Variants in BCO1 observed in about 807,000 individuals in gnomAD.
The protein encoded by BCO1 is beta,beta-carotene 15,15'-dioxygenase.
Under a neutral mutation model 56.3 loss-of-function variants are expected in BCO1, and 54 were observed. The observed-to-expected ratio is 0.96, with a 90% CI of 0.77 to 1.20. BCO1 has a LOEUF of 1.20. BCO1 is among the 50% of genes most tolerant of loss of function. The pLI is 0.00. For synonymous variants in BCO1, 318 were observed against 266.1 expected (o/e 1.20, Z -1.90); for missense variants, 801 against 690.9 (o/e 1.16, Z -1.79).
intron 7 of BCO1, among the ~76,000 whole-genome samples, chr16:81,275,751 T>G (rs186522086): frequency 1.7e-4 from 26 of 152,330 alleles, no homozygotes; most frequent in African/African-American, 5.0e-4. Context: ...GAACAGGCAA[T>G]AGCAAATTCT....
intron 4 of BCO1, chr16:81,264,162 A>G (rs1157910525): frequency 4.7e-6 from 1 of 214,294 alleles, no homozygotes; most frequent in East Asian, 1.1e-4. Context: ...AGAGAGGCCT[A>G]GAGATTTATG....
At chr16:81,269,167 C>G (rs60281792) in intron 6 of BCO1, among the ~76,000 whole-genome samples, 19,242 of 149,094 alleles carry the variant, frequency 0.13, 2,838 homozygotes, top group African/African-American at 0.36. Context: ...TATAGAAAGC[C>G]ATGTATAAAA....
At chr16:81,260,390 A>G in intron 3 of BCO1, among the ~76,000 whole-genome samples, 1 of 152,306 alleles carries the variant, frequency 6.6e-6, no homozygotes, top group Admixed American at 6.5e-5. Context: ...AATCTAAATT[A>G]AATTTTGCTT....
intron 6 of BCO1, among the ~76,000 whole-genome samples, chr16:81,269,194 TC>T (rs1478537723): frequency 6.7e-6 from 1 of 149,142 alleles, no homozygotes; most frequent in Non-Finnish European, 1.5e-5. Context: ...CCAACTCACT[TC>T]CCCCCTCCTG....
chr16:81,264,030 G>A (rs1043643263), intron 4 of BCO1: 1 of 159,168 alleles, frequency 6.3e-6, no homozygotes, highest in Non-Finnish European at 1.4e-5. Flanking sequence ...CGGTTGGTCT[G>A]CGGCCACTCC....
At chr16:81,258,726 A>C (rs912307646) in intron 2 of BCO1, among the ~76,000 whole-genome samples, 3 of 152,204 alleles carry the variant, frequency 2.0e-5, no homozygotes, top group Non-Finnish European at 4.4e-5. Context: ...CATATTTTGC[A>C]TTGACATATT....
intron 7 of BCO1, 110 bp downstream of exon 7, chr16:81,270,526 GA>G (rs936411072): frequency 0.046 from 44,897 of 967,724 alleles, 5 homozygotes; most frequent in South Asian, 0.061. Flanking sequence ...AACTGTTCTT[GA>G]AAAAAAAAAA....
At chr16:81,286,919 C>CA (rs1410110616) in intron 9 of BCO1, among the ~76,000 whole-genome samples, 3 of 151,274 alleles carry the variant, frequency 2.0e-5, no homozygotes, top group Admixed American at 6.6e-5. Context: ...ACTAAAAATA[C>CA]AAAAAATCAG....
chr16:81,243,337 T>A (rs1238737919), intron 1 of BCO1, among the ~76,000 whole-genome samples: 1 of 152,206 alleles, frequency 6.6e-6, no homozygotes, highest in Non-Finnish European at 1.5e-5. Context: ...CTTAGTGTGA[T>A]CCTGTTGACC....
At chr16:81,239,120 G>A (rs1905000014) in intron 1 of BCO1, 148 bp downstream of exon 1, 7 of 673,242 alleles carry the variant, frequency 1.0e-5, no homozygotes, top group South Asian at 7.5e-5. Flanking sequence ...GGGTTCAAAC[G>A]ATCCTCCCAC....
chr16:81,284,307 CAT>C (rs1337447574), intron 8 of BCO1, among the ~76,000 whole-genome samples: 1 of 143,856 alleles, frequency 7.0e-6, no homozygotes, highest in African/African-American at 2.6e-5. Context: ...TATACACACA[CAT>C]TTACAGAGAA....
Position 81,290,373 on chromosome 16 carries a change from T to C in BCO1, c.1440T>C (p.Ser480=), listed in dbSNP as rs1311606660. 11 of 1,614,060 alleles carry C rather than the reference T, an allele frequency of 6.8e-6. No individual in the cohort carries two copies. The highest frequency in any genetic ancestry group is 9.3e-6 in the Non-Finnish European group (11 of 1,180,008). ...DDGVILSAIV[S]TDPQKLPFLL... ...GAGTAATCTTATCAGCCATTGTCTCTACTGATCCCCAAAAGCTGCCTTTTC... is the reference window on the plus strand; with the variant it reads ...GAGTAATCTTATCAGCCATTGTCTCCACTGATCCCCAAAAGCTGCCTTTTC... The change falls in exon 11 of 11, where the codon TCT becomes TCC. Residue 480 remains serine, a synonymous_variant. Transcript: ENST00000258168.
intron 2 of BCO1, among the ~76,000 whole-genome samples, chr16:81,252,347 C>T (rs539094247): frequency 1.3e-5 from 2 of 152,104 alleles, no homozygotes; most frequent in Non-Finnish European, 2.9e-5. Context: ...GCAACCTCTA[C>T]CTCCCAGGCT....
intron 8 of BCO1, 122 bp from the exon 9 acceptor site, chr16:81,285,418 C>T: frequency 1.3e-6 from 1 of 771,918 alleles, no homozygotes; most frequent in South Asian, 1.4e-5. Context: ...GGCTCTAAAT[C>T]AAGCTCAAGG....
intron 2 of BCO1, among the ~76,000 whole-genome samples, chr16:81,252,518 A>G (rs1389520925): frequency 6.6e-6 from 1 of 152,198 alleles, no homozygotes; most frequent in Non-Finnish European, 1.5e-5. Flanking sequence ...GGCCTCCCAA[A>G]GTGCTGGGAT....
chr16:81,247,852 T>A (rs530794652), intron 2 of BCO1, among the ~76,000 whole-genome samples: 158 of 151,950 alleles, frequency 1.0e-3, no homozygotes, highest in African/African-American at 2.9e-3. Flanking sequence ...TAATTTATTT[T>A]AAAAAAATAA....
At chr16:81,249,528 T>C (rs1905655321) in intron 2 of BCO1, among the ~76,000 whole-genome samples, 1 of 152,104 alleles carries the variant, frequency 6.6e-6, no homozygotes, top group Non-Finnish European at 1.5e-5. Context: ...AATGCTGGGA[T>C]TACAGGTGTG....
At chr16:81,250,053 G>C (rs1432875754) in intron 2 of BCO1, among the ~76,000 whole-genome samples, 2 of 152,174 alleles carry the variant, frequency 1.3e-5, no homozygotes, top group Non-Finnish European at 2.9e-5. Flanking sequence ...TTACTACAAA[G>C]AGGGTTTGCT....
chr16:81,284,470 C>T (rs547973572), intron 8 of BCO1, among the ~76,000 whole-genome samples: 165 of 152,052 alleles, frequency 1.1e-3, no homozygotes, highest in African/African-American at 3.9e-3. Flanking sequence ...TGTAACCTAG[C>T]GGAGATACAA....
Sources: allele counts gnomAD v4.1 joint callset (sites outside exome capture counted in the v4.1 genomes callset), GRCh38; gene constraint gnomAD v4.1.1; transcripts MANE v1.5; gene names NCBI Gene and HGNC (gene_info 2026-07-23, HGNC 2026-07-21).